ADGRL3: variants seen among roughly 807,000 people sequenced by gnomAD.
ADGRL3 encodes calcium-independent alpha-latrotoxin receptor 3.
In ADGRL3, 62 loss-of-function variants were observed where a neutral mutation model predicts 153.5. The observed-to-expected ratio is 0.40, with a 90% CI of 0.33 to 0.50. The LOEUF is 0.50. Among genes scored for constraint, ADGRL3 ranks in the 20% least tolerant of loss-of-function variants. The pLI is 0.47. For synonymous variants in ADGRL3, 710 were observed against 672.5 expected (o/e 1.06, Z -0.86); for missense variants, 1,641 against 1,859.4 (o/e 0.88, Z 2.16).
In ADGRL3 at chr4:61,437,172, C is replaced by T. The variant is rs538974125; in HGVS notation, c.-174+53983C>T. ...TAAGGTAAAATAGTAGTGACCAGTA[C>T]GCCATTGATCCAAAACTAAAAATAC... On this transcript the variant is annotated intron_variant, in intron 2 of 26. Coordinates refer to ENST00000683033, the MANE Select transcript of ADGRL3 (RefSeq NM_001387552.1). Among the ~76,000 whole-genome samples, 9 of 152,076 alleles carry T rather than the reference C, an allele frequency of 5.9e-5. No individual in the cohort carries two copies. The South Asian group carries it at 6.2e-4, about 11-fold the overall frequency.
intron 21 of ADGRL3, among the ~76,000 whole-genome samples, chr4:62,010,849 C>T (rs1184082798): frequency 6.6e-6 from 1 of 151,958 alleles, no homozygotes. Flanking sequence ...ATTTTTAAAA[C>T]TTACTCTGTT....
chr4:61,603,710 C>T (rs2099021184), intron 5 of ADGRL3, among the ~76,000 whole-genome samples: 1 of 150,232 alleles, frequency 6.7e-6, no homozygotes, highest in Non-Finnish European at 1.5e-5. Flanking sequence ...CAACTCCCAT[C>T]CCTCTTAGTG....
chr4:61,886,158 A>T (rs1292810682), intron 9 of ADGRL3, among the ~76,000 whole-genome samples: 5 of 152,212 alleles, frequency 3.3e-5, no homozygotes, highest in Non-Finnish European at 7.3e-5. Flanking sequence ...ATTAAAATGA[A>T]TTCTGAAGAG....
At chr4:61,343,558 T>C (rs2095846763) in intron 1 of ADGRL3, among the ~76,000 whole-genome samples, 1 of 152,200 alleles carries the variant, frequency 6.6e-6, no homozygotes, top group Non-Finnish European at 1.5e-5. Context: ...GCAAGTCACT[T>C]CTTTAATCTA....
At chr4:61,791,729 T>C (rs2097343955) in intron 8 of ADGRL3, among the ~76,000 whole-genome samples, 1 of 152,214 alleles carries the variant, frequency 6.6e-6, no homozygotes, top group African/African-American at 2.4e-5. Context: ...TCCAGACATT[T>C]CTATACATCT....
intron 2 of ADGRL3, chr4:61,385,485 T>TA (rs1274840725): frequency 6.6e-6 from 1 of 152,170 alleles, no homozygotes; most frequent in African/African-American, 2.4e-5. Context: ...CTGGAATGTA[T>TA]AACCTCACCT....
At chr4:61,593,735 T>A (rs1238586806) in intron 5 of ADGRL3, among the ~76,000 whole-genome samples, 1 of 152,128 alleles carries the variant, frequency 6.6e-6, no homozygotes, top group Non-Finnish European at 1.5e-5. Flanking sequence ...TTAGGATCCC[T>A]TCTTTATCCT....
In ADGRL3 at chr4:61,214,327, T is replaced by C. The variant is rs1184349877; in HGVS notation, c.-240+12562T>C. 2.6e-5 allele frequency among the ~76,000 whole-genome samples: 4 copies of C among 152,214 alleles called. No individual in the cohort carries two copies. In the East Asian group the frequency reaches 7.7e-4, roughly 29 times the overall value. On this transcript the variant is annotated intron_variant, in intron 1 of 26. Transcript: ENST00000683033. ...GTGTCTAATATTTCCATAAATATTC[T>C]TAGTTTCTTTCACTGCTCTTGAACG...
intron 2 of ADGRL3, among the ~76,000 whole-genome samples, chr4:61,492,914 T>A (rs2098273328): frequency 6.6e-6 from 1 of 152,096 alleles, no homozygotes; most frequent in African/African-American, 2.4e-5. Flanking sequence ...GCAAATTAGG[T>A]CATTTTAATC....
In ADGRL3 at chr4:61,799,237, G is replaced by T. The variant is rs1580881551; in HGVS notation, c.1400-14572G>T. 2.0e-5 allele frequency among the ~76,000 whole-genome samples: 3 copies of T among 151,634 alleles called. No individual in the cohort carries two copies. In the East Asian group the frequency reaches 5.9e-4, roughly 30 times the overall value. The stretch of plus-strand genomic sequence containing the variant: ...TAACTACAATTATGCCAGGTTATCT[G>T]CTTAGTATATTTCACATATTAGTTC... On this transcript the variant is annotated intron_variant, in intron 8 of 26. Coordinates refer to ENST00000683033, the MANE Select transcript of ADGRL3 (RefSeq NM_001387552.1).
At chr4:62,063,872 C>A (rs1185127530) in intron 25 of ADGRL3, among the ~76,000 whole-genome samples, 2 of 151,884 alleles carry the variant, frequency 1.3e-5, no homozygotes, top group East Asian at 3.9e-4. Context: ...GTTTGTTTCT[C>A]CATAACGTTA....
intron 22 of ADGRL3, among the ~76,000 whole-genome samples, chr4:62,029,728 G>C (rs181239691): frequency 0.012 from 1,784 of 148,366 alleles, 21 homozygotes; most frequent in Non-Finnish European, 0.016. Context: ...TTTAGAAATC[G>C]GGGCTCATTG....
At chr4:61,994,741 G>A (rs2099115887) in intron 19 of ADGRL3, among the ~76,000 whole-genome samples, 2 of 151,534 alleles carry the variant, frequency 1.3e-5, no homozygotes. Flanking sequence ...ACATGAGTTT[G>A]GTGATTTTTT....
chr4:61,993,164 T>G (rs1011208988), intron 19 of ADGRL3, among the ~76,000 whole-genome samples: 1 of 138,424 alleles, frequency 7.2e-6, no homozygotes, highest in South Asian at 2.5e-4. Flanking sequence ...TGGGCTGCAG[T>G]TGTGTGTGTG....
chr4:61,644,863 C>T (rs1256127540), intron 5 of ADGRL3, among the ~76,000 whole-genome samples: 1 of 151,950 alleles, frequency 6.6e-6, no homozygotes, highest in African/African-American at 2.4e-5. Flanking sequence ...TCTCGTTGAT[C>T]TGTCTAATGT....
intron 1 of ADGRL3, among the ~76,000 whole-genome samples, chr4:61,207,631 T>G (rs1375939600): frequency 1.3e-5 from 2 of 152,146 alleles, no homozygotes; most frequent in African/African-American, 4.8e-5. Context: ...GACACCATCT[T>G]CCACAATGGT....
At chr4:61,798,440 G>T (rs1489915316) in intron 8 of ADGRL3, among the ~76,000 whole-genome samples, 2 of 152,012 alleles carry the variant, frequency 1.3e-5, no homozygotes, top group African/African-American at 4.8e-5. Flanking sequence ...GGAAATCTTT[G>T]TTGTAGGACT....
At chr4:61,840,359 C>T (rs562255448) in intron 9 of ADGRL3, among the ~76,000 whole-genome samples, 6 of 152,302 alleles carry the variant, frequency 3.9e-5, no homozygotes, top group South Asian at 2.1e-4. Context: ...GGATTACAGG[C>T]GTGAGCCACC....
At chr4:61,370,194 T>G (rs2096492278) in intron 1 of ADGRL3, among the ~76,000 whole-genome samples, 1 of 152,016 alleles carries the variant, frequency 6.6e-6, no homozygotes, top group Non-Finnish European at 1.5e-5. Context: ...CTGGATTCAT[T>G]AATTTTTTGA....
Sources: allele counts gnomAD v4.1 joint callset (sites outside exome capture counted in the v4.1 genomes callset), GRCh38; gene constraint gnomAD v4.1.1; transcripts MANE v1.5; gene names NCBI Gene and HGNC (gene_info 2026-07-23, HGNC 2026-07-21).